The following SESN3 variants were observed in gnomAD, a reference collection of about 807,000 sequenced individuals.
SESN3 encodes the protein sestrin 3, also known as sestrin-3.
SESN3 carries 21 observed loss-of-function variants against 55.3 expected under a neutral mutation model. That is an observed-to-expected ratio of 0.38 (90% CI 0.27 to 0.55). The LOEUF (loss-of-function observed/expected upper bound fraction) is 0.55, where lower values mean the gene tolerates loss of function less well. Ranked by LOEUF, SESN3 falls within the 20% of genes least tolerant of loss-of-function variation. The pLI, the probability that SESN3 is intolerant of heterozygous loss-of-function variation, is 0.76. For synonymous variants in SESN3, 181 were observed against 203.1 expected, an observed-to-expected ratio of 0.89 and a Z score of 0.93; for missense variants, 408 against 604.3, an observed-to-expected ratio of 0.68 and a Z score of 3.41.
At position 95,178,792 on chromosome 11, in the gene SESN3, G is replaced by A; in HGVS notation, c.974C>T (p.Ser325Phe). ...EDDMIITSDVSRYIEDPGFGY... is the reference protein window; with the variant it reads ...EDDMIITSDVFRYIEDPGFGY... ...AAAACCAGGGTCTTCAATATATCGAGAGACATCAGATGTTATAATCATGTC... is the reference window on the plus strand; with the variant it reads ...AAAACCAGGGTCTTCAATATATCGAAAGACATCAGATGTTATAATCATGTC... The change falls in exon 7 of 10, where the codon TCT becomes TTT. Residue 325 changes from serine to phenylalanine, a missense_variant. This residue lies in a region of SESN3 where 119 missense variants were observed against 139.9 expected (regional missense o/e 0.85). Coordinates refer to ENST00000536441, the MANE Select transcript of SESN3 (RefSeq NM_144665.4). 1.9e-6 allele frequency: 3 copies of A among 1,610,170 alleles called. No homozygotes were observed. The highest frequency in any genetic ancestry group is 3.3e-4 in the Middle Eastern group (2 of 6,060).
intron 1 of SESN3, among the ~76,000 whole-genome samples, chr11:95,220,108 T>C (rs545367922): frequency 4.6e-5 from 7 of 152,144 alleles, no homozygotes; most frequent in Non-Finnish European, 8.8e-5. Context: ...CTGTAGACTA[T>C]AGGGGATGTA....
intron 1 of SESN3, among the ~76,000 whole-genome samples, chr11:95,208,614 T>C (rs893950373): frequency 1.3e-5 from 2 of 151,354 alleles, no homozygotes; most frequent in Non-Finnish European, 3.0e-5. Context: ...ATAGCCAAGA[T>C]GATCCTAAGC....
At position 95,185,333 on chromosome 11, in the gene SESN3, C is replaced by G. The variant is rs11021068; in HGVS notation, c.685G>C (p.Val229Leu). The G allele has an allele frequency of 3.5e-5, 57 of 1,613,060 alleles. No homozygotes were observed. The highest frequency in any genetic ancestry group is 4.7e-5 in the Non-Finnish European group (56 of 1,179,406). ...EISNGFRLIS[V>L]NNFCVCDLAN... ...AGATCACAAACGCAGAAATTGTTGA[C>G]TGATATTAGCCTGAATCCATTGGAG... The change falls in exon 5 of 10, where the codon GTC (valine) becomes CTC (leucine). Residue 229 changes from valine to leucine, a missense_variant. By Grantham distance (32) the Val-to-Leu change is conservative. Coordinates refer to ENST00000536441, the MANE Select transcript of SESN3 (RefSeq NM_144665.4).
At chr11:95,179,490 A>T (rs1730857936) in intron 6 of SESN3, among the ~76,000 whole-genome samples, 1 of 152,128 alleles carries the variant, frequency 6.6e-6, no homozygotes, top group Non-Finnish European at 1.5e-5. Flanking sequence ...GAAGGAGAAG[A>T]GATGAAGGTG....
At chr11:95,220,233 T>C (rs999876491) in intron 1 of SESN3, among the ~76,000 whole-genome samples, 3 of 152,200 alleles carry the variant, frequency 2.0e-5, no homozygotes, top group Admixed American at 2.0e-4. Flanking sequence ...TGTTATTATT[T>C]ATCTTCATAA....
rs145277288 is a variant in SESN3, at chr11:95,203,660, T to C, written c.79-10138A>G. 1.7e-3 allele frequency: 261 copies of C among 152,302 alleles called. 1 individual carries two copies. The highest frequency in any genetic ancestry group is 5.8e-3 in the African/African-American group (242 of 41,574). 9.4% of individuals were successfully genotyped at this position (152,302 alleles called of 1,614,324 possible). A position where few individuals can be genotyped will look rare whatever the true frequency, so the allele number is the denominator to read the frequency against. ...AGTCTATAAGCAGAAAACTACAAGA[T>C]TGTGCTTTAATGTACACAGGTAAAC... On this transcript the variant is annotated intron_variant, in intron 1 of 9. Coordinates refer to ENST00000536441, the MANE Select transcript of SESN3 (RefSeq NM_144665.4).
At chr11:95,195,816 G>T (rs1334677626) in intron 1 of SESN3, among the ~76,000 whole-genome samples, 2 of 152,172 alleles carry the variant, frequency 1.3e-5, no homozygotes, top group Non-Finnish European at 2.9e-5. Context: ...CTGCCAATGT[G>T]CTAACAAAAA....
In SESN3 at chr11:95,165,931, A is replaced by G. The variant is rs1206781263; in HGVS notation, c.*7324T>C. 6.6e-6 allele frequency: 1 copy of G among 152,228 alleles called. No homozygotes were observed. Among genetic ancestry groups the G allele is most frequent in the Non-Finnish European group, 1.5e-5 (1 of 68,034 alleles). The allele number at this position is 152,228 out of a possible 1,614,324, so 9.4% of individuals were successfully genotyped here. ...CCTAGTAATACATACAAAAGCTTTC[A>G]TGGGTTCTAGAACCTTCTTAACTGC... is the stretch of plus-strand genomic sequence containing the variant. On this transcript the variant is annotated 3_prime_UTR_variant, in exon 10 of 10. Coordinates refer to ENST00000536441, the MANE Select transcript of SESN3 (RefSeq NM_144665.4).
intron 4 of SESN3, among the ~76,000 whole-genome samples, chr11:95,185,839 A>G (rs1860152564): frequency 6.6e-6 from 1 of 151,970 alleles, no homozygotes; most frequent in Admixed American, 6.6e-5. Flanking sequence ...GAACAAAACC[A>G]TTCATTTTAA....
rs2134251034 is a variant in SESN3 at position 95,207,292 on chromosome 11, T to C, written c.79-13770A>G. 1.3e-5 allele frequency among the ~76,000 whole-genome samples: 2 copies of C among 151,530 alleles called. 1 individual carries two copies. Among genetic ancestry groups the C allele is most frequent in the East Asian group, 3.9e-4 (2 of 5,186 alleles). On this transcript the variant is annotated intron_variant, in intron 1 of 9. Transcript: ENST00000536441. ...CTAAAGGGGTTTACAAACTACTTGG[T>C]AAAATTAGATATAGACACCCAAAGA...
rs138773210 is a variant in SESN3 at position 95,206,888 on chromosome 11, C to T, written c.79-13366G>A. Among the ~76,000 whole-genome samples, 345 of 152,104 alleles carry T rather than the reference C, an allele frequency of 2.3e-3. 5 individuals carry two copies. The highest frequency in any genetic ancestry group is 8.0e-3 in the African/African-American group (333 of 41,502). ...TCAGCTCACTGTAACCTCCACCTCC[C>T]GGGTTCAAGCATTTCTTCTGCCTCA... On this transcript the variant is annotated intron_variant, in intron 1 of 9. Transcript: ENST00000536441.
At chr11:95,185,692 T>C (rs1354204802) in intron 4 of SESN3, among the ~76,000 whole-genome samples, 200 bp from the exon 5 acceptor site, 1 of 152,114 alleles carries the variant, frequency 6.6e-6, no homozygotes, top group African/African-American at 2.4e-5. Flanking sequence ...TATAATTACA[T>C]TGTAGTGTCT....
At chr11:95,220,796 TAA>T (rs976055881) in intron 1 of SESN3, among the ~76,000 whole-genome samples, 1 of 152,214 alleles carries the variant, frequency 6.6e-6, no homozygotes, top group Non-Finnish European at 1.5e-5. Context: ...TTGCAAATCC[TAA>T]GTCTGTCACT....
chr11:95,207,064 C>T (rs1252020344), intron 1 of SESN3, among the ~76,000 whole-genome samples: 1 of 152,156 alleles, frequency 6.6e-6, no homozygotes, highest in Admixed American at 6.5e-5. Flanking sequence ...CAGGCATGAA[C>T]CACCACGCGC....
In SESN3 at chr11:95,228,397, T is replaced by C. The variant is rs183594820; in HGVS notation, c.78+2386A>G. On this transcript the variant is annotated intron_variant, in intron 1 of 9. Coordinates refer to ENST00000536441, the MANE Select transcript of SESN3 (RefSeq NM_144665.4). ...TGAGTTTCATTCTTCCATTATGAATTAGACTGAACAAACATTCAAAATACT... is the reference window on the plus strand; with the variant it reads ...TGAGTTTCATTCTTCCATTATGAATCAGACTGAACAAACATTCAAAATACT... Among the ~76,000 whole-genome samples, 14 of 152,344 alleles carry C rather than the reference T, an allele frequency of 9.2e-5. No individual in the cohort carries two copies. In the East Asian group the frequency reaches 2.7e-3, roughly 29 times the overall value.
chr11:95,188,744 G>T (rs1421696073), intron 4 of SESN3, among the ~76,000 whole-genome samples: 1 of 151,720 alleles, frequency 6.6e-6, no homozygotes, highest in Non-Finnish European at 1.5e-5. Flanking sequence ...TTCATACACT[G>T]TTGTACTGTG....
chr11:95,198,037 C>A (rs547841485), intron 1 of SESN3, among the ~76,000 whole-genome samples: 23 of 152,306 alleles, frequency 1.5e-4, no homozygotes, highest in African/African-American at 5.3e-4. Flanking sequence ...ATACCAGCAA[C>A]CCTGGCTCAG....
At chr11:95,177,349 C>T (rs2134216654) in intron 8 of SESN3, among the ~76,000 whole-genome samples, 1 of 152,174 alleles carries the variant, frequency 6.6e-6, no homozygotes, top group South Asian at 2.1e-4. Flanking sequence ...TTTAAAAAGA[C>T]CAAACTAACT....
At chr11:95,227,797 A>ACCTACCTAC (rs1860975469) in intron 1 of SESN3, among the ~76,000 whole-genome samples, 1 of 152,194 alleles carries the variant, frequency 6.6e-6, no homozygotes, top group Non-Finnish European at 1.5e-5. Flanking sequence ...ATGCAGTTTG[A>ACCTACCTAC]CACATGACTT....
Sources: gnomAD v4.1 joint callset for allele counts (sites outside exome capture counted in the v4.1 genomes callset) on GRCh38, gnomAD v4.1.1 for gene constraint, gnomAD v4.1.1 regional missense constraint, MANE v1.5 for transcripts, NCBI Gene and HGNC (gene_info 2026-07-23, HGNC 2026-07-21) for gene names.